Variants in CHRM3 observed in about 807,000 individuals in gnomAD.
CHRM3 encodes muscarinic acetylcholine receptor M3.
In CHRM3, 11 loss-of-function variants were observed where a neutral mutation model predicts 41.8. The ratio of observed to expected loss-of-function variants is 0.26; its 90% CI spans 0.17 to 0.44. CHRM3 has a LOEUF of 0.44. Ranked by LOEUF, CHRM3 falls within the 20% of genes least tolerant of loss-of-function variation. CHRM3 has a pLI of 1.00. For missense variants in CHRM3, 571 were observed against 745.4 expected, an observed-to-expected ratio of 0.77 and a Z score of 2.72; for synonymous variants, 297 against 301.4, an observed-to-expected ratio of 0.99 and a Z score of 0.15.
chr1:239,534,898 G>A (rs1187775854), intron 2 of CHRM3, among the ~76,000 whole-genome samples: 1 of 152,190 alleles, frequency 6.6e-6, no homozygotes, highest in Non-Finnish European at 1.5e-5. Context: ...TAGCTGCTAA[G>A]CTTGAGTAAA....
At chr1:239,834,148 T>TCTCACACA (rs1553278786) in intron 6 of CHRM3, among the ~76,000 whole-genome samples, 22 of 135,318 alleles carry the variant, frequency 1.6e-4, no homozygotes, top group Middle Eastern at 3.7e-3. Context: ...TAATTCCACA[T>TCTCACACA]CACACACACA....
At chr1:239,456,915 G>A (rs895938802) in intron 1 of CHRM3, among the ~76,000 whole-genome samples, 2 of 152,172 alleles carry the variant, frequency 1.3e-5, no homozygotes, top group African/African-American at 4.8e-5. Flanking sequence ...TCTTCCACAG[G>A]AGCTGCACTT....
intron 5 of CHRM3, among the ~76,000 whole-genome samples, chr1:239,784,475 T>G (rs1668742229): frequency 6.6e-6 from 1 of 152,226 alleles, no homozygotes; most frequent in African/African-American, 2.4e-5. Flanking sequence ...AGGTCCACGT[T>G]CAATTAACAC....
intron 5 of CHRM3, among the ~76,000 whole-genome samples, chr1:239,778,924 G>A (rs1048662025): frequency 1.3e-5 from 2 of 152,060 alleles, no homozygotes; most frequent in Non-Finnish European, 2.9e-5. Context: ...GTTTCAAGAA[G>A]GTGCTATGTG....
intron 1 of CHRM3, among the ~76,000 whole-genome samples, chr1:239,404,410 A>AAGAAAGAAGGAAAG: frequency 1.9e-5 from 1 of 51,770 alleles, no homozygotes; most frequent in African/African-American, 6.4e-5. Flanking sequence ...GAAAGAAAGA[A>AAGAAAGAAGGAAAG]AAAGAAAGAA....
At chr1:239,865,732 C>T (rs776823771) in intron 6 of CHRM3, among the ~76,000 whole-genome samples, 45 of 152,318 alleles carry the variant, frequency 3.0e-4, no homozygotes, top group Non-Finnish European at 4.1e-4. Context: ...TTGGACCAGG[C>T]TTGAGGGAGC....
At chr1:239,897,669 AG>A (rs1264961356) in intron 6 of CHRM3, among the ~76,000 whole-genome samples, 1 of 152,224 alleles carries the variant, frequency 6.6e-6, no homozygotes, top group African/African-American at 2.4e-5. Flanking sequence ...TTCAGCAACA[AG>A]GAGTCTGCCC....
intron 6 of CHRM3, among the ~76,000 whole-genome samples, chr1:239,835,438 A>C (rs965160010): frequency 2.0e-5 from 3 of 152,148 alleles, no homozygotes; most frequent in African/African-American, 7.2e-5. Context: ...ATTGGGGAGG[A>C]AAAAGATTGT....
chr1:239,770,631 G>A (rs1365866283), intron 5 of CHRM3, among the ~76,000 whole-genome samples: 2 of 152,134 alleles, frequency 1.3e-5, no homozygotes, highest in Non-Finnish European at 2.9e-5. Flanking sequence ...TGAATGACCA[G>A]GAAAGGTTTT....
chr1:239,513,195 C>T (rs1244750486), intron 2 of CHRM3, among the ~76,000 whole-genome samples: 1 of 152,134 alleles, frequency 6.6e-6, no homozygotes, highest in Non-Finnish European at 1.5e-5. Flanking sequence ...AATAAGGGCA[C>T]ACTATTAAAC....
chr1:239,490,439 C>T (rs1432148514), intron 1 of CHRM3, among the ~76,000 whole-genome samples: 1 of 152,176 alleles, frequency 6.6e-6, no homozygotes, highest in African/African-American at 2.4e-5. Context: ...GTTCACTGGT[C>T]TGTCTCTGTT....
chr1:239,891,583 T>C (rs474930), intron 6 of CHRM3, among the ~76,000 whole-genome samples: 83,492 of 152,012 alleles, frequency 0.55, 24,441 homozygotes, highest in East Asian at 0.71. Context: ...TAATAAGCTA[T>C]GGGAAGCATC....
chr1:239,837,526 A>G (rs1489397497), intron 6 of CHRM3, among the ~76,000 whole-genome samples: 4 of 152,158 alleles, frequency 2.6e-5, no homozygotes, highest in East Asian at 1.9e-4. Context: ...CAACCCATCA[A>G]TTCCAGAAAC....
chr1:239,714,121 T>G (rs1268150829), intron 5 of CHRM3: 2 of 152,168 alleles, frequency 1.3e-5, no homozygotes, highest in African/African-American at 2.4e-5. Flanking sequence ...TTTTCCCATC[T>G]GAAGAACTTC....
At chr1:239,535,956 A>C (rs999397356) in intron 2 of CHRM3, among the ~76,000 whole-genome samples, 1 of 152,168 alleles carries the variant, frequency 6.6e-6, no homozygotes, top group Non-Finnish European at 1.5e-5. Context: ...GGCAGGTTAG[A>C]TATCATAAGC....
At chr1:239,612,333 T>A (rs980779123) in intron 3 of CHRM3, among the ~76,000 whole-genome samples, 2 of 152,250 alleles carry the variant, frequency 1.3e-5, no homozygotes, top group Admixed American at 1.3e-4. Flanking sequence ...TTAACTGCTA[T>A]GTAGCTGAAA....
chr1:239,529,034 G>C (rs908654975), intron 2 of CHRM3, among the ~76,000 whole-genome samples: 1 of 152,128 alleles, frequency 6.6e-6, no homozygotes, highest in Admixed American at 6.6e-5. Flanking sequence ...TAGATCCTCT[G>C]TTTCCTCCCA....
chr1:239,690,888 A>G (rs1659652697), intron 5 of CHRM3, among the ~76,000 whole-genome samples: 1 of 151,978 alleles, frequency 6.6e-6, no homozygotes, highest in Non-Finnish European at 1.5e-5. Context: ...TGATCTGAGG[A>G]GACAGGATCC....
At chr1:239,509,699 C>A (rs557496506) in intron 2 of CHRM3, among the ~76,000 whole-genome samples, 1 of 152,278 alleles carries the variant, frequency 6.6e-6, no homozygotes, top group East Asian at 1.9e-4. Flanking sequence ...ATGTTTGGGA[C>A]TATATTCAGT....
Sources: gnomAD v4.1 joint callset for allele counts (sites outside exome capture counted in the v4.1 genomes callset) on GRCh38, gnomAD v4.1.1 for gene constraint, MANE v1.5 for transcripts, NCBI Gene and HGNC (gene_info 2026-07-23, HGNC 2026-07-21) for gene names.